SIK3: variants seen among roughly 807,000 people sequenced by gnomAD.
SIK3 encodes serine/threonine-protein kinase SIK3.
Under a neutral mutation model 144.2 loss-of-function variants are expected in SIK3, and 28 were observed. The ratio of observed to expected loss-of-function variants is 0.19; its 90% confidence interval spans 0.14 to 0.27. The LOEUF is 0.27. SIK3 is among the 10% of genes least tolerant of loss of function. The pLI is 1.00. For missense variants in SIK3, 1,319 were observed against 1,776.0 expected, an observed-to-expected ratio of 0.74 and a Z score of 4.62; for synonymous variants, 686 against 676.3, an observed-to-expected ratio of 1.01 and a Z score of -0.22.
chr11:116,953,151 TAAG>T (rs1408960154), intron 3 of SIK3, among the ~76,000 whole-genome samples: 1 of 152,148 alleles, frequency 6.6e-6, no homozygotes, highest in Non-Finnish European at 1.5e-5. Flanking sequence ...TAGTCATTAA[TAAG>T]AAGATTCATT....
At chr11:117,055,700 G>A (rs1012672778) in intron 1 of SIK3, among the ~76,000 whole-genome samples, 3 of 152,242 alleles carry the variant, frequency 2.0e-5, no homozygotes, top group Non-Finnish European at 2.9e-5. Flanking sequence ...GAATGTCTCC[G>A]CCTCTAAAAG....
chr11:116,863,196 T>G (rs1192972956), intron 16 of SIK3, among the ~76,000 whole-genome samples: 1 of 152,188 alleles, frequency 6.6e-6, no homozygotes, highest in African/African-American at 2.4e-5. Flanking sequence ...GGAAGGAAGT[T>G]TGATCCTGGG....
At chr11:116,994,653 A>G (rs964296089) in intron 1 of SIK3, among the ~76,000 whole-genome samples, 1 of 152,192 alleles carries the variant, frequency 6.6e-6, no homozygotes, top group African/African-American at 2.4e-5. Flanking sequence ...CCACAATCAT[A>G]TGTACTATAA....
rs530513217 is a variant in SIK3 at position 117,046,895 on chromosome 11, A to C, written c.273+51248T>G. Among the ~76,000 whole-genome samples the C allele has an allele frequency of 5.3e-5, 8 of 152,196 alleles. No homozygotes were observed. The East Asian group carries it at 1.5e-3, about 29-fold the overall frequency. On this transcript the variant is annotated intron_variant, in intron 1 of 24. Transcript: ENST00000445177. ...ACCCTGTCTTAAAAACAAACAAACA[A>C]ACAAAAAACCCTACTGTATCACTAA...
chr11:116,845,713 A>G (rs759519018), intron 24 of SIK3, 84 bp from the exon 25 acceptor site: 3 of 152,226 alleles, frequency 2.0e-5, no homozygotes, highest in East Asian at 1.9e-4. Flanking sequence ...AAAAAATGCA[A>G]CGGGTTTACT....
intron 1 of SIK3, among the ~76,000 whole-genome samples, chr11:117,071,271 C>T (rs1422296259): frequency 1.3e-5 from 2 of 151,612 alleles, no homozygotes; most frequent in African/African-American, 4.8e-5. Context: ...AACAATTAGC[C>T]CACAGTATAA....
At chr11:116,927,994 C>T (rs939710465) in intron 3 of SIK3, among the ~76,000 whole-genome samples, 1 of 152,178 alleles carries the variant, frequency 6.6e-6, no homozygotes, top group Non-Finnish European at 1.5e-5. Flanking sequence ...ATTTATGGGG[C>T]TCACCAAATG....
chr11:116,853,870 G>A (rs1464148794), intron 21 of SIK3, among the ~76,000 whole-genome samples: 1 of 152,202 alleles, frequency 6.6e-6, no homozygotes, highest in Non-Finnish European at 1.5e-5. Context: ...TTCCTTCTAG[G>A]GTGGCAGGCA....
At chr11:116,889,758 GTGGTGGCGTGCGCC>G (rs1945007189) in intron 6 of SIK3, among the ~76,000 whole-genome samples, 1 of 151,994 alleles carries the variant, frequency 6.6e-6, no homozygotes. Flanking sequence ...TTAGGTGGGC[GTGGTGGCGTGCGCC>G]TGTAGACCAA....
intron 1 of SIK3, among the ~76,000 whole-genome samples, chr11:116,982,068 A>G (rs1950157413): frequency 6.6e-6 from 1 of 152,132 alleles, no homozygotes; most frequent in Admixed American, 6.5e-5. Flanking sequence ...AGACAGTAAG[A>G]GGCAAGTCTC....
intron 3 of SIK3, among the ~76,000 whole-genome samples, chr11:116,945,973 A>G (rs969935520): frequency 6.6e-6 from 1 of 152,200 alleles, no homozygotes; most frequent in Non-Finnish European, 1.5e-5. Flanking sequence ...AATTATATGA[A>G]AAGCATGAAA....
At chr11:116,976,643 T>C (rs558814905) in intron 1 of SIK3, among the ~76,000 whole-genome samples, 1 of 152,230 alleles carries the variant, frequency 6.6e-6, no homozygotes, top group Non-Finnish European at 1.5e-5. Flanking sequence ...ATATTGATAG[T>C]TATCTTCCTC....
At chr11:116,918,260 A>G (rs542488155) in intron 4 of SIK3, among the ~76,000 whole-genome samples, 2 of 152,286 alleles carry the variant, frequency 1.3e-5, no homozygotes, top group African/African-American at 4.8e-5. Context: ...GAGCAGTCTG[A>G]AATTTCCAGA....
chr11:116,844,277 A>G lies in SIK3; in HGVS notation c.*1366T>C, dbSNP rs574129418. ...CACTGCATCTGTCACTGGCACAAGT[A>G]AGAGCTGTTCACAATTACAATGCCT... On this transcript the variant is annotated 3_prime_UTR_variant, in exon 25 of 25. Transcript: ENST00000445177. 1.3e-5 allele frequency: 2 copies of G among 152,306 alleles called. No individual in the cohort carries two copies. Among genetic ancestry groups the G allele is most frequent in the South Asian group, 4.1e-4 (2 of 4,826 alleles). The allele number at this position is 152,306 out of a possible 1,614,324, so 9.4% of individuals were successfully genotyped here.
At chr11:116,977,262 A>C in intron 1 of SIK3, among the ~76,000 whole-genome samples, 1 of 127,348 alleles carries the variant, frequency 7.9e-6, no homozygotes, top group Non-Finnish European at 1.6e-5. Flanking sequence ...CTTCCTTTTC[A>C]TACAGACAGA....
chr11:117,005,336 GAAAAAAAA>G (rs35279676), intron 1 of SIK3, among the ~76,000 whole-genome samples: 89 of 55,976 alleles, frequency 1.6e-3, no homozygotes, highest in Non-Finnish European at 2.0e-3. Context: ...CCCCGTCTCA[GAAAAAAAA>G]AAAAAAAAAA....
At chr11:116,857,184 A>G (rs1442879735) in intron 21 of SIK3, 1 of 152,700 alleles carries the variant, frequency 6.5e-6, no homozygotes, top group Non-Finnish European at 1.5e-5. Flanking sequence ...TAAAACGACC[A>G]GAGTAATAAT....
intron 3 of SIK3, among the ~76,000 whole-genome samples, chr11:116,944,840 T>TA (rs1948501522): frequency 6.6e-6 from 1 of 152,244 alleles, no homozygotes; most frequent in African/African-American, 2.4e-5. Context: ...TATGCTCTCT[T>TA]AGTCTGTAGT....
At chr11:116,906,497 C>T (rs1946043812) in intron 4 of SIK3, among the ~76,000 whole-genome samples, 2 of 152,096 alleles carry the variant, frequency 1.3e-5, no homozygotes, top group Non-Finnish European at 2.9e-5. Flanking sequence ...GCTTCGAAAA[C>T]ACCCAGAGGT....
Sources: gnomAD v4.1 joint callset for allele counts (sites outside exome capture counted in the v4.1 genomes callset) on GRCh38, gnomAD v4.1.1 for gene constraint, MANE v1.5 for transcripts, NCBI Gene and HGNC (gene_info 2026-07-23, HGNC 2026-07-21) for gene names.